The following PAK1 variants were observed in gnomAD, a reference collection of about 807,000 sequenced individuals.
PAK1 encodes the protein p21 (RAC1) activated kinase 1, also known as serine/threonine-protein kinase PAK 1.
PAK1 carries 29 observed loss-of-function variants against 67.4 expected under a neutral mutation model. That is an observed-to-expected ratio of 0.43 (90% CI 0.32 to 0.59). The LOEUF (loss-of-function observed/expected upper bound fraction) is 0.59. PAK1 is among the 20% of genes least tolerant of loss of function. PAK1 has a pLI of 0.07. For synonymous variants in PAK1, 223 were observed against 237.4 expected (o/e 0.94, Z 0.56); for missense variants, 337 against 670.7 (o/e 0.50, Z 5.50).
At chr11:77,371,614 G>A (rs770474561) in intron 5 of PAK1, among the ~76,000 whole-genome samples, 2 of 152,122 alleles carry the variant, frequency 1.3e-5, no homozygotes, top group Non-Finnish European at 2.9e-5. Flanking sequence ...AATTATATTT[G>A]ATTATTTCAC....
chr11:77,467,483 CAATAA>C (rs1372837133), intron 1 of PAK1, among the ~76,000 whole-genome samples: 2 of 152,158 alleles, frequency 1.3e-5, no homozygotes, highest in Non-Finnish European at 2.9e-5. Context: ...CTTTAAATGG[CAATAA>C]AATATTACTT....
chr11:77,405,098 TG>T (rs2137822819), intron 1 of PAK1, among the ~76,000 whole-genome samples: 2 of 152,336 alleles, frequency 1.3e-5, no homozygotes, highest in Non-Finnish European at 2.9e-5. Context: ...TAGTAATATC[TG>T]GAAAAGCATT....
At chr11:77,389,258 A>G (rs1371317627) in intron 2 of PAK1, among the ~76,000 whole-genome samples, 3 of 152,256 alleles carry the variant, frequency 2.0e-5, no homozygotes, top group Non-Finnish European at 4.4e-5. Flanking sequence ...GGCACGGATC[A>G]GAACTTCATG....
rs1446772704 is a variant in PAK1 at position 77,407,845 on chromosome 11, G to A, written c.-21-15304C>T. ...CCAGAAGTTAACAGGGACGAAGTCT[G>A]TTTCCCTTCCAAGGTAATGAGTGTT... On this transcript the variant is annotated intron_variant, in intron 1 of 14. Coordinates refer to ENST00000356341, the MANE Select transcript of PAK1 (RefSeq NM_002576.5). 3.3e-5 allele frequency among the ~76,000 whole-genome samples: 5 copies of A among 152,204 alleles called. No homozygotes were observed. The South Asian group carries it at 8.3e-4, about 25-fold the overall frequency.
chr11:77,505,414 C>G, the PAK1 span, among the ~76,000 whole-genome samples: 1 of 152,222 alleles, frequency 6.6e-6, no homozygotes, highest in African/African-American at 2.4e-5. Flanking sequence ...TCTCAAACTT[C>G]TGGCCTCAAG....
chr11:77,479,263 C>T (rs1257199093), upstream of PAK1, among the ~76,000 whole-genome samples: 2 of 152,096 alleles, frequency 1.3e-5, no homozygotes, highest in Non-Finnish European at 2.9e-5. Context: ...TTGGAAACCG[C>T]TGATGAGAAT....
At chr11:77,512,501 T>A in the PAK1 span, among the ~76,000 whole-genome samples, 2 of 152,182 alleles carry the variant, frequency 1.3e-5, no homozygotes, top group African/African-American at 4.8e-5. Context: ...GAGCTAGTAT[T>A]GGGGATTGTA....
the PAK1 span, among the ~76,000 whole-genome samples, chr11:77,528,310 A>G: frequency 6.6e-6 from 1 of 151,502 alleles, no homozygotes; most frequent in Non-Finnish European, 1.5e-5. Context: ...ATTTTCCTAC[A>G]TTATCTCCAA....
chr11:77,475,731 T>C (rs372289962), upstream of PAK1: 2 of 152,350 alleles, frequency 1.3e-5, no homozygotes, highest in East Asian at 3.9e-4. Flanking sequence ...TTAACAAAAC[T>C]GTAATTCTAT....
intron 14 of PAK1, chr11:77,325,263 A>T: frequency 6.3e-7 from 1 of 1,599,526 alleles, no homozygotes. Flanking sequence ...GCCTATTAAG[A>T]GCAGTGGCCA....
chr11:77,449,337 G>C (rs1218094922), intron 1 of PAK1, among the ~76,000 whole-genome samples: 2 of 152,228 alleles, frequency 1.3e-5, no homozygotes, highest in African/African-American at 2.4e-5. Flanking sequence ...CGCTTAAAGA[G>C]AAAAGGGCAA....
chr11:77,493,830 T>C, the PAK1 span, among the ~76,000 whole-genome samples: 1 of 152,174 alleles, frequency 6.6e-6, no homozygotes. Flanking sequence ...CGATTAGGTA[T>C]AGTAGAAAAC....
At chr11:77,523,507 C>T in the PAK1 span, among the ~76,000 whole-genome samples, 10 of 151,812 alleles carry the variant, frequency 6.6e-5, no homozygotes, top group South Asian at 2.1e-4. Flanking sequence ...ACAACCTCCA[C>T]CTCCCAGATT....
intron 12 of PAK1, among the ~76,000 whole-genome samples, 188 bp from the exon 13 acceptor site, chr11:77,336,470 T>G (rs522015): frequency 0.21 from 32,672 of 152,118 alleles, 4,656 homozygotes; most frequent in Non-Finnish European, 0.31. Context: ...TATTGAACCC[T>G]GAAGAGAAAT....
chr11:77,343,768 C>T (rs752570502), intron 10 of PAK1, 51 bp downstream of exon 10: 48 of 1,067,600 alleles, frequency 4.5e-5, no homozygotes, highest in Non-Finnish European at 5.7e-5. Flanking sequence ...AGCTTCACCA[C>T]CAATCAGTCC....
intron 1 of PAK1, among the ~76,000 whole-genome samples, chr11:77,419,985 TA>T (rs1354703161): frequency 2.0e-5 from 3 of 152,318 alleles, no homozygotes; most frequent in Admixed American, 6.5e-5. Context: ...CGAAAAAAGA[TA>T]TTAATAAATC....
At position 77,473,931 on chromosome 11, in the gene PAK1, G is replaced by C. The variant is rs1957999259; in HGVS notation, c.-401C>G. On this transcript the variant is annotated 5_prime_UTR_variant, in exon 1 of 15. Coordinates refer to ENST00000356341, the MANE Select transcript of PAK1 (RefSeq NM_002576.5). ...AGAGTCCAAGGGGGAAGGCGTCTGT[G>C]GGGGAGGACTGCAGAGCCTGTGAGG... 3 of 152,288 alleles carry C rather than the reference G, an allele frequency of 2.0e-5. No homozygotes were observed. In the South Asian group the frequency reaches 6.2e-4, roughly 32 times the overall value. The allele number at this position is 152,288 out of a possible 1,614,324, so 9.4% of individuals were successfully genotyped here.
At chr11:77,343,760 C>T (rs780694986) in intron 10 of PAK1, 59 bp downstream of exon 10, 3 of 1,003,516 alleles carry the variant, frequency 3.0e-6, no homozygotes, top group Non-Finnish European at 4.8e-6. Context: ...TCTCTAACAG[C>T]TTCACCACCA....
At chr11:77,359,230 G>A (rs778518344) in intron 5 of PAK1, among the ~76,000 whole-genome samples, 2 of 151,980 alleles carry the variant, frequency 1.3e-5, no homozygotes, top group Non-Finnish European at 2.9e-5. Flanking sequence ...GTCCCTTGGG[G>A]CTTCCTTCTC....
Sources: allele counts gnomAD v4.1 joint callset (sites outside exome capture counted in the v4.1 genomes callset), GRCh38; gene constraint gnomAD v4.1.1; transcripts MANE v1.5; gene names NCBI Gene and HGNC (gene_info 2026-07-23, HGNC 2026-07-21).